CTBP2: variants seen among roughly 807,000 people sequenced by gnomAD.
CTBP2 encodes the protein C-terminal-binding protein 2.
In CTBP2, 30 loss-of-function variants were observed where a neutral mutation model predicts 80.3. The ratio of observed to expected loss-of-function variants is 0.37; its 90% CI spans 0.28 to 0.51. The LOEUF (loss-of-function observed/expected upper bound fraction) is 0.51, where lower values mean the gene tolerates loss of function less well. CTBP2 is among the 20% of genes least tolerant of loss of function. The pLI is 0.93. For missense variants in CTBP2, 1,212 were observed against 1,375.3 expected (o/e 0.88, Z 1.88); for synonymous variants, 594 against 587.4 (o/e 1.01, Z -0.16).
At chr10:125,148,865 T>C (rs1366251625) in intron 1 of CTBP2, among the ~76,000 whole-genome samples, 1 of 152,216 alleles carries the variant, frequency 6.6e-6, no homozygotes, top group Non-Finnish European at 1.5e-5. Flanking sequence ...ATCCCAGGCT[T>C]AGCTGAGAAA....
chr10:125,019,712 G>A (rs1174926678), intron 1 of CTBP2, among the ~76,000 whole-genome samples: 4 of 152,154 alleles, frequency 2.6e-5, no homozygotes, highest in Non-Finnish European at 5.9e-5. Context: ...ATTCCTGGAG[G>A]ACAACATAAG....
At chr10:125,005,743 A>AC in intron 1 of CTBP2, 16 of 1,612,706 alleles carry the variant, frequency 9.9e-6, no homozygotes, top group Non-Finnish European at 1.4e-5. Context: ...GTTTCAGTAC[A>AC]CTCTTCTGGC....
chr10:125,080,673 C>G (rs925387709), intron 2 of CTBP2, among the ~76,000 whole-genome samples: 1 of 152,212 alleles, frequency 6.6e-6, no homozygotes, highest in African/African-American at 2.4e-5. Flanking sequence ...CATACAGCAG[C>G]TGAAGTCATC....
intron 2 of CTBP2, among the ~76,000 whole-genome samples, chr10:125,103,959 C>G (rs1267447093): frequency 1.3e-5 from 2 of 152,162 alleles, no homozygotes; most frequent in Non-Finnish European, 2.9e-5. Context: ...CAGGTTACAC[C>G]CTACCCACGA....
intron 2 of CTBP2, among the ~76,000 whole-genome samples, chr10:125,085,837 T>C (rs1016028496): frequency 1.3e-5 from 2 of 152,224 alleles, no homozygotes; most frequent in Admixed American, 6.5e-5. Context: ...GGATTCTCAC[T>C]GGAAACTGAA....
chr10:125,004,583 C>T (rs1468878567), intron 1 of CTBP2, among the ~76,000 whole-genome samples: 5 of 152,240 alleles, frequency 3.3e-5, no homozygotes, highest in Middle Eastern at 3.4e-3. Flanking sequence ...AGGTGCAATC[C>T]GCCGAGATGC....
At chr10:125,096,487 A>G (rs1590742432) in intron 2 of CTBP2, among the ~76,000 whole-genome samples, 1 of 152,154 alleles carries the variant, frequency 6.6e-6, no homozygotes, top group African/African-American at 2.4e-5. Context: ...CAACATCGCT[A>G]CTCGACTAAA....
chr10:125,071,699 GAAGA>G (rs1845506499), intron 2 of CTBP2, among the ~76,000 whole-genome samples: 1 of 152,172 alleles, frequency 6.6e-6, no homozygotes, highest in African/African-American at 2.4e-5. Context: ...AAAACGCTTA[GAAGA>G]AAGACAGTAA....
intron 2 of CTBP2, among the ~76,000 whole-genome samples, chr10:125,070,995 A>G (rs1845397187): frequency 6.6e-6 from 1 of 152,198 alleles, no homozygotes. Context: ...CTTCCCTCAC[A>G]CTGCATTCCT....
intron 3 of CTBP2, among the ~76,000 whole-genome samples, chr10:125,034,673 G>A (rs1416926569): frequency 2.6e-5 from 4 of 152,138 alleles, no homozygotes; most frequent in East Asian, 3.9e-4. Flanking sequence ...TTTACGAAGC[G>A]CTCAAAGTGC....
intron 3 of CTBP2, among the ~76,000 whole-genome samples, chr10:125,037,408 C>T (rs1253713511): frequency 2.0e-5 from 3 of 152,194 alleles, no homozygotes; most frequent in Non-Finnish European, 4.4e-5. Context: ...AAAGCTGAGT[C>T]ACGAGCGTGT....
chr10:125,029,843 C>T (rs530475362), upstream of CTBP2, among the ~76,000 whole-genome samples: 11 of 152,088 alleles, frequency 7.2e-5, no homozygotes, highest in Admixed American at 2.6e-4. Flanking sequence ...AATGTTTACC[C>T]GGTAGCGCCT....
intron 1 of CTBP2, among the ~76,000 whole-genome samples, chr10:125,123,870 A>G (rs1453873017): frequency 6.6e-6 from 1 of 152,136 alleles, no homozygotes; most frequent in East Asian, 1.9e-4. Flanking sequence ...GCCACACCCA[A>G]CAGAGGGCAC....
At chr10:125,049,665 G>A (rs1962242748) in intron 2 of CTBP2, among the ~76,000 whole-genome samples, 1 of 152,176 alleles carries the variant, frequency 6.6e-6, no homozygotes, top group South Asian at 2.1e-4. Flanking sequence ...AAGATGGTGG[G>A]AAAGGGGAGT....
intron 3 of CTBP2, among the ~76,000 whole-genome samples, chr10:125,033,841 T>C (rs1325167512): frequency 6.6e-6 from 1 of 152,076 alleles, no homozygotes; most frequent in Non-Finnish European, 1.5e-5. Flanking sequence ...CGGGCCACAC[T>C]GTGGGAGGTT....
At chr10:125,153,249 G>A (rs1286848490) in intron 1 of CTBP2, among the ~76,000 whole-genome samples, 1 of 152,194 alleles carries the variant, frequency 6.6e-6, no homozygotes. Flanking sequence ...GAGCTCTCTC[G>A]GGCCCTGCCC....
intron 2 of CTBP2, among the ~76,000 whole-genome samples, chr10:125,067,570 T>C (rs1343111486): frequency 6.6e-6 from 1 of 152,250 alleles, no homozygotes; most frequent in African/African-American, 2.4e-5. Flanking sequence ...AAAAAACTGC[T>C]TTTATATATG....
intron 1 of CTBP2, among the ~76,000 whole-genome samples, chr10:125,119,546 T>C (rs1289181934): frequency 5.9e-5 from 9 of 152,224 alleles, no homozygotes; most frequent in African/African-American, 9.6e-5. Flanking sequence ...TTCAAAGACA[T>C]AGGAAAAATA....
chr10:125,047,165 C>CA (rs35470596), intron 2 of CTBP2, among the ~76,000 whole-genome samples: 13,780 of 148,908 alleles, frequency 0.093, 806 homozygotes, highest in Admixed American at 0.18. Flanking sequence ...AAAGGTTAAG[C>CA]AAAAAAAAAG....
Sources: gnomAD v4.1 joint callset for allele counts (sites outside exome capture counted in the v4.1 genomes callset) on GRCh38, gnomAD v4.1.1 for gene constraint, MANE v1.5 for transcripts, NCBI Gene and HGNC (gene_info 2026-07-23, HGNC 2026-07-21) for gene names.